ANXA10: variants seen among roughly 807,000 people sequenced by gnomAD.
ANXA10 encodes annexin A10, also known as annexin 14.
In ANXA10, 49 loss-of-function variants were observed where a neutral mutation model predicts 53.5. The observed-to-expected ratio is 0.92, with a 90% confidence interval of 0.73 to 1.16. The LOEUF (loss-of-function observed/expected upper bound fraction) is 1.16. Ranked by LOEUF, ANXA10 falls within the 50% of genes most tolerant of loss-of-function variation. ANXA10 has a pLI of 0.00. For missense variants in ANXA10, 393 were observed against 394.4 expected (o/e 1.00, Z 0.03); for synonymous variants, 131 against 128.9 (o/e 1.02, Z -0.11).
chr4:168,167,768 T>G (rs1417145408), intron 6 of ANXA10, among the ~76,000 whole-genome samples: 1 of 152,236 alleles, frequency 6.6e-6, no homozygotes, highest in Non-Finnish European at 1.5e-5. Flanking sequence ...ATGACTTTCT[T>G]TGCATCCTTG....
At chr4:168,172,501 TCTG>T (rs1398928180) in intron 6 of ANXA10, among the ~76,000 whole-genome samples, 1 of 152,202 alleles carries the variant, frequency 6.6e-6, no homozygotes, top group East Asian at 1.9e-4. Flanking sequence ...ATCTTTGAAG[TCTG>T]CTATCTAAAG....
intron 1 of ANXA10, among the ~76,000 whole-genome samples, chr4:168,120,550 T>C (rs28682368): frequency 0.087 from 13,287 of 152,114 alleles, 1,945 homozygotes; most frequent in African/African-American, 0.3. Context: ...GTGGTCATTA[T>C]GGTAATGGTA....
chr4:168,118,270 A>G (rs1730930302), intron 1 of ANXA10, among the ~76,000 whole-genome samples: 1 of 152,208 alleles, frequency 6.6e-6, no homozygotes, highest in Non-Finnish European at 1.5e-5. Context: ...CTTTCAAAAG[A>G]TTAAATATAA....
chr4:168,128,227 G>A (rs1434549678), intron 2 of ANXA10, 62 bp downstream of exon 2: 4 of 1,322,030 alleles, frequency 3.0e-6, no homozygotes, highest in South Asian at 1.2e-5. Context: ...CTTGTTTTAA[G>A]ACTATACTGT....
At chr4:168,130,524 G>A (rs1731140659) in intron 2 of ANXA10, among the ~76,000 whole-genome samples, 1 of 152,010 alleles carries the variant, frequency 6.6e-6, no homozygotes, top group African/African-American at 2.4e-5. Context: ...TCTAATTTCT[G>A]AAGGAGATTG....
At chr4:168,150,086 C>T (rs1234112297) in intron 3 of ANXA10, among the ~76,000 whole-genome samples, 1 of 152,186 alleles carries the variant, frequency 6.6e-6, no homozygotes, top group East Asian at 1.9e-4. Context: ...CCAAGGTCAG[C>T]TCACTTGCTT....
Position 168,155,754 on chromosome 4 carries a change from T to C in ANXA10, c.196-6774T>C, listed in dbSNP as rs868702070. On this transcript the variant is annotated intron_variant, in intron 3 of 11. Coordinates refer to ENST00000359299, the MANE Select transcript of ANXA10 (RefSeq NM_007193.5). ...ATATGATATATCATATATTATATAT[T>C]ATATAATATATGATATATCATATAT... is the stretch of plus-strand genomic sequence containing the variant. 6.2e-3 allele frequency among the ~76,000 whole-genome samples: 191 copies of C among 30,608 alleles called. 15 individuals carry two copies. Among genetic ancestry groups the C allele is most frequent in the African/African-American group, 0.03 (184 of 6,092 alleles). 20.1% of individuals were successfully genotyped at this position (30,608 alleles called of 152,430 possible). A position where few individuals can be genotyped will look rare whatever the true frequency, so the allele number is the denominator to read the frequency against.
intron 1 of ANXA10, among the ~76,000 whole-genome samples, chr4:168,096,749 A>G (rs907781312): frequency 6.6e-5 from 10 of 151,684 alleles, no homozygotes; most frequent in Non-Finnish European, 2.9e-5. Context: ...CAAGAAGAGT[A>G]TCTGGAGCAT....
intron 1 of ANXA10, among the ~76,000 whole-genome samples, chr4:168,111,416 C>A (rs1730804730): frequency 6.6e-6 from 1 of 151,854 alleles, no homozygotes; most frequent in Admixed American, 6.6e-5. Context: ...ATAAAATAAG[C>A]CTTAATTTTT....
intron 10 of ANXA10, among the ~76,000 whole-genome samples, chr4:168,182,541 C>A (rs111447007): frequency 1.4e-5 from 2 of 146,918 alleles, no homozygotes; most frequent in African/African-American, 5.0e-5. Flanking sequence ...CACTGTGTTA[C>A]CCAGGATGGT....
At chr4:168,153,326 GT>G (rs1346168847) in intron 3 of ANXA10, among the ~76,000 whole-genome samples, 3 of 150,710 alleles carry the variant, frequency 2.0e-5, no homozygotes, top group African/African-American at 4.9e-5. Flanking sequence ...TCTGTTTCTG[GT>G]TGGGCCAAGA....
At chr4:168,117,078 A>T (rs17525912) in intron 1 of ANXA10, among the ~76,000 whole-genome samples, 5,237 of 152,128 alleles carry the variant, frequency 0.034, 120 homozygotes, top group Middle Eastern at 0.051. Flanking sequence ...AATTGTAAAC[A>T]TCAAATCCAT....
intron 10 of ANXA10, among the ~76,000 whole-genome samples, chr4:168,183,009 G>GAAAAAAAAAA (rs747151480): frequency 1.1e-5 from 1 of 93,388 alleles, no homozygotes; most frequent in African/African-American, 3.6e-5. Context: ...CACCGTCTCG[G>GAAAAAAAAAA]AAAAAAAAAA....
rs1192514916 is a variant in ANXA10 at position 168,094,219 on chromosome 4, TA to T, written c.18+1504del. 8.5e-5 allele frequency among the ~76,000 whole-genome samples: 13 copies of T among 152,254 alleles called. 1 individual carries two copies. The highest frequency in any genetic ancestry group is 2.6e-4 in the African/African-American group (11 of 41,560). On this transcript the variant is annotated intron_variant, in intron 1 of 11. Transcript: ENST00000359299. Reference sequence around the variant, plus strand: ...ATTACCAGGCTAACAAGATTTTTTTTAAATGCAATTATTTGCTATGCTTCTG... The same window carrying T: ...ATTACCAGGCTAACAAGATTTTTTTTAATGCAATTATTTGCTATGCTTCTG...
At chr4:168,181,927 T>C (rs1732256319) in intron 10 of ANXA10, among the ~76,000 whole-genome samples, 186 bp downstream of exon 10, 1 of 152,214 alleles carries the variant, frequency 6.6e-6, no homozygotes, top group Non-Finnish European at 1.5e-5. Flanking sequence ...AAAAATAATG[T>C]TCTGCTTTCT....
intron 6 of ANXA10, among the ~76,000 whole-genome samples, chr4:168,175,371 TAA>T (rs1043427068): frequency 1.3e-5 from 2 of 152,184 alleles, no homozygotes; most frequent in South Asian, 4.1e-4. Flanking sequence ...ATTAAAATCA[TAA>T]GAGAGAATTT....
chr4:168,186,660 T>C (rs1732376706), intron 11 of ANXA10, among the ~76,000 whole-genome samples: 1 of 152,194 alleles, frequency 6.6e-6, no homozygotes, highest in Non-Finnish European at 1.5e-5. Context: ...TGTTTATAAG[T>C]CACCCAGTTT....
chr4:168,111,549 C>T lies in ANXA10; in HGVS notation c.19-16535C>T, dbSNP rs79600240. 3.9e-5 allele frequency among the ~76,000 whole-genome samples: 6 copies of T among 152,244 alleles called. No homozygotes were observed. The East Asian group carries it at 1.2e-3, about 29-fold the overall frequency. ...ACAGAGGACACAACATTCAAGGCAC[C>T]TATTCCAGGCTGCCAATTAGTAAGC... On this transcript the variant is annotated intron_variant, in intron 1 of 11. Transcript: ENST00000359299.
chr4:168,128,683 G>A (rs1397276615), intron 2 of ANXA10, among the ~76,000 whole-genome samples: 1 of 152,004 alleles, frequency 6.6e-6, no homozygotes, highest in Non-Finnish European at 1.5e-5. Flanking sequence ...AATCTGTTCA[G>A]ATGAGCCTTC....
Sources: allele counts gnomAD v4.1 joint callset (sites outside exome capture counted in the v4.1 genomes callset), GRCh38; gene constraint gnomAD v4.1.1; transcripts MANE v1.5; gene names NCBI Gene and HGNC (gene_info 2026-07-23, HGNC 2026-07-21).